The following RYR2 variants were observed in gnomAD, a reference collection of about 807,000 sequenced individuals.
The protein encoded by RYR2 is ryanodine receptor 2.
In RYR2, 227 loss-of-function variants were observed where a neutral mutation model predicts 601.1. That is an observed-to-expected ratio of 0.38 (90% CI 0.34 to 0.42). The LOEUF (loss-of-function observed/expected upper bound fraction) is 0.42. Ranked by LOEUF, RYR2 falls within the 10% of genes least tolerant of loss-of-function variation. The pLI is 1.00. For missense variants in RYR2, 4,646 were observed against 6,156.5 expected (o/e 0.75, Z 8.21); for synonymous variants, 2,223 against 2,175.1 (o/e 1.02, Z -0.61).
rs145099445 is a variant in RYR2 at position 237,377,644 on chromosome 1, G to A, written c.576+209G>A. ...ATAGCTTATCAGGTTGTTCAGGCAG[G>A]CTTCCCTCATAACCTTGATATGCAT... On this transcript the variant is annotated intron_variant, in intron 8 of 104. Transcript: ENST00000366574. Among the ~76,000 whole-genome samples the A allele has an allele frequency of 1.8e-4, 28 of 152,258 alleles. No individual in the cohort carries two copies. The East Asian group carries it at 2.7e-3, about 15-fold the overall frequency.
In RYR2 at chr1:237,508,739, T is replaced by TC. The variant is rs1300806101; in HGVS notation, c.2718+1925_2718+1926insC. Among the ~76,000 whole-genome samples, 7 of 127,308 alleles carry TC rather than the reference T, an allele frequency of 5.5e-5. No homozygotes were observed. The East Asian group carries it at 1.6e-3, about 29-fold the overall frequency. The allele number at this position is 127,308 out of a possible 152,430, so 83.5% of individuals were successfully genotyped here. On this transcript the variant is annotated intron_variant, in intron 23 of 104. Coordinates refer to ENST00000366574, the MANE Select transcript of RYR2 (RefSeq NM_001035.3). Reference sequence around the variant, plus strand: ...CAAGACACTCTTCGGGTTTTCTTTTTTTTTTTTTTTTTTTTTTTTTTGAGA... The same window carrying TC: ...CAAGACACTCTTCGGGTTTTCTTTTTCTTTTTTTTTTTTTTTTTTTTTGAGA...
At chr1:237,108,347 G>A (rs1050302549) in intron 1 of RYR2, among the ~76,000 whole-genome samples, 2 of 152,186 alleles carry the variant, frequency 1.3e-5, no homozygotes, top group African/African-American at 4.8e-5. Context: ...CAATGACTAG[G>A]ACAAATGAGA....
Position 237,783,834 on chromosome 1 carries a change from G to T in RYR2, c.12122G>T (p.Gly4041Val). ...TFKEYDPDGK[G>V]VISKRDFHKA... Reference sequence around the variant, plus strand: ...AAAGAATATGACCCCGATGGCAAGGGAGTCATTTCCAAGAGGGACTTCCAC... The same window carrying T: ...AAAGAATATGACCCCGATGGCAAGGTAGTCATTTCCAAGAGGGACTTCCAC... The change falls in exon 90 of 105, where the codon GGA becomes GTA. Residue 4041 changes from glycine to valine, a missense_variant. By Grantham distance (109) the Gly-to-Val change is moderately radical. This residue lies in a region of RYR2 where 66 missense variants were observed against 80.7 expected (regional missense o/e 0.82). Coordinates refer to ENST00000366574, the MANE Select transcript of RYR2 (RefSeq NM_001035.3). 1 of 1,613,880 alleles carries T rather than the reference G, an allele frequency of 6.2e-7. No homozygotes were observed. The highest frequency in any genetic ancestry group is 1.1e-5 in the South Asian group (1 of 91,052).
chr1:237,509,691 C>T (rs1665681679), intron 23 of RYR2, among the ~76,000 whole-genome samples: 1 of 152,204 alleles, frequency 6.6e-6, no homozygotes. Flanking sequence ...TTGGCGCTTC[C>T]TCTTTAGTTG....
chr1:237,654,385 T>A lies in RYR2; in HGVS notation c.7936T>A (p.Trp2646Arg), dbSNP rs769118599. 1.9e-6 allele frequency: 3 copies of A among 1,613,840 alleles called. No homozygotes were observed. The Admixed American group carries it at 5.0e-5, about 27-fold the overall frequency. The change falls in exon 52 of 105, where the codon TGG becomes AGG. Residue 2646 changes from tryptophan to arginine, a missense_variant. By Grantham distance (101) the Trp-to-Arg change is moderately radical (BLOSUM62 -3). Coordinates refer to ENST00000366574, the MANE Select transcript of RYR2 (RefSeq NM_001035.3). ...ACTTCATTTATCAAGAAAGTTGTTC[T>A]GGGGCATTTTTGATGCCCTGTCTCA... The part of the protein sequence containing the change: ...EELHLSRKLF[W>R]GIFDALSQKK...
At position 237,783,886 on chromosome 1, in the gene RYR2, C is replaced by T. The variant is rs766262728; in HGVS notation, c.12174C>T (p.Tyr4058=). The T allele has an allele frequency of 8.7e-6, 14 of 1,613,752 alleles. No individual in the cohort carries two copies. Among genetic ancestry groups the T allele is most frequent in the Non-Finnish European group, 1.0e-5 (12 of 1,179,780 alleles). The stretch of plus-strand genomic sequence containing the variant: ...AAGCGATGGAGAGCCATAAGCACTA[C>T]ACGCAGTCAGAAACGGAATTTCTTT... ...FHKAMESHKH[Y]TQSETEFLLS... The change falls in exon 90 of 105, where the codon TAC becomes TAT. Residue 4058 remains tyrosine (Y), a synonymous_variant. Transcript: ENST00000366574.
At chr1:237,565,325 G>C (rs1432388276) in intron 27 of RYR2, among the ~76,000 whole-genome samples, 1 of 151,386 alleles carries the variant, frequency 6.6e-6, no homozygotes, top group Non-Finnish European at 1.5e-5. Context: ...GAATGCAGTA[G>C]AACGACCATA....
intron 10 of RYR2, among the ~76,000 whole-genome samples, chr1:237,411,643 C>T (rs1704460837): frequency 6.6e-6 from 1 of 152,156 alleles, no homozygotes; most frequent in South Asian, 2.1e-4. Flanking sequence ...TTATATTACT[C>T]ATTCATTCTT....
At chr1:237,188,225 A>G (rs142356775) in intron 1 of RYR2, among the ~76,000 whole-genome samples, 60 of 149,746 alleles carry the variant, frequency 4.0e-4, no homozygotes, top group African/African-American at 1.4e-3. Flanking sequence ...GTGTGCCTCA[A>G]TTCAGTTGTT....
intron 1 of RYR2, among the ~76,000 whole-genome samples, chr1:237,246,277 G>A (rs766837079): frequency 6.6e-6 from 1 of 151,196 alleles, no homozygotes; most frequent in Non-Finnish European, 1.5e-5. Context: ...TGTATTTTTA[G>A]TAGAGACAGA....
chr1:237,783,198 C>T (rs754596456), intron 89 of RYR2, among the ~76,000 whole-genome samples: 1 of 152,044 alleles, frequency 6.6e-6, no homozygotes, highest in Non-Finnish European at 1.5e-5. Flanking sequence ...ACAATGGGCC[C>T]ATTAATTTAG....
At chr1:237,641,467 G>GTCTTTCTTTCTTTCTTTCTT (rs1490727758) in intron 47 of RYR2, among the ~76,000 whole-genome samples, 66 of 117,262 alleles carry the variant, frequency 5.6e-4, no homozygotes, top group Middle Eastern at 4.0e-3. Flanking sequence ...ATTAGTGTCT[G>GTCTTTCTTTCTTTCTTTCTT]TCTGTCTTTC....
chr1:237,491,082 T>C (rs114868052), intron 17 of RYR2, among the ~76,000 whole-genome samples: 3 of 152,164 alleles, frequency 2.0e-5, no homozygotes, highest in African/African-American at 7.2e-5. Context: ...TTTCTGATAA[T>C]GAAATTTATT....
At chr1:237,802,555 A>C (rs1660098657) in intron 98 of RYR2, among the ~76,000 whole-genome samples, 2 of 152,198 alleles carry the variant, frequency 1.3e-5, no homozygotes, top group African/African-American at 4.8e-5. Context: ...ATGGGCCCAG[A>C]ACTCTGGGTG....
Position 237,322,544 on chromosome 1 carries a change from G to T in RYR2, c.169-8334G>T, listed in dbSNP as rs2891872. ...ATACTATATCAGGCAAGAAACCTAT[G>T]AATGGATTCTACAAAATATCCCTGT... On this transcript the variant is annotated intron_variant, in intron 2 of 104. Transcript: ENST00000366574. Among the ~76,000 whole-genome samples, 591 of 152,246 alleles carry T rather than the reference G, an allele frequency of 3.9e-3. 2 individuals are homozygous for T. Among genetic ancestry groups the T allele is most frequent in the African/African-American group, 0.014 (564 of 41,550 alleles).
At chr1:237,628,143 G>C (rs1341608861) in intron 41 of RYR2, 63 bp downstream of exon 41, 3 of 1,539,628 alleles carry the variant, frequency 1.9e-6, no homozygotes, top group Admixed American at 1.8e-5. Context: ...TATACCTATA[G>C]AGCAGTACAT....
chr1:237,728,052 A>G (rs886462964), intron 76 of RYR2, among the ~76,000 whole-genome samples: 9 of 152,104 alleles, frequency 5.9e-5, no homozygotes, highest in African/African-American at 2.2e-4. Context: ...ACTTTCCTAC[A>G]GTATTAAGGC....
At chr1:237,308,623 C>T (rs1694152469) in intron 2 of RYR2, among the ~76,000 whole-genome samples, 1 of 152,116 alleles carries the variant, frequency 6.6e-6, no homozygotes. Context: ...GGAGTTTCTT[C>T]CTTCTGGTGG....
intron 1 of RYR2, among the ~76,000 whole-genome samples, chr1:237,068,762 G>A (rs1325587933): frequency 6.6e-6 from 1 of 152,146 alleles, no homozygotes; most frequent in African/African-American, 2.4e-5. Flanking sequence ...TGAGCTTTAA[G>A]TGGTTTTGCT....
Sources: allele counts gnomAD v4.1 joint callset (sites outside exome capture counted in the v4.1 genomes callset), GRCh38; gene constraint gnomAD v4.1.1; regional missense constraint gnomAD v4.1.1; transcripts MANE v1.5; gene names NCBI Gene and HGNC (gene_info 2026-07-23, HGNC 2026-07-21).